Variants in PLEKHG1 observed in about 807,000 individuals in gnomAD.
The protein encoded by PLEKHG1 is pleckstrin homology domain-containing family G member 1.
PLEKHG1 carries 44 observed loss-of-function variants against 100.8 expected under a neutral mutation model. The observed-to-expected ratio is 0.44, with a 90% CI of 0.34 to 0.56. The LOEUF (loss-of-function observed/expected upper bound fraction) is 0.56. Among genes scored for constraint, PLEKHG1 ranks in the 20% least tolerant of loss-of-function variants. The pLI, the probability that PLEKHG1 is intolerant of heterozygous loss-of-function variation, is 0.01. For missense variants in PLEKHG1, 1,545 were observed against 1,720.9 expected (o/e 0.90, Z 1.81); for synonymous variants, 640 against 662.5 (o/e 0.97, Z 0.52).
chr6:150,603,220 G>T (rs1365328845), intron 1 of PLEKHG1, among the ~76,000 whole-genome samples: 1 of 152,122 alleles, frequency 6.6e-6, no homozygotes, highest in South Asian at 2.1e-4. Flanking sequence ...TAGACAAAGG[G>T]TCTGTAAGCA....
intron 2 of PLEKHG1, among the ~76,000 whole-genome samples, chr6:150,640,611 C>T (rs1019029421): frequency 3.3e-5 from 5 of 152,158 alleles, no homozygotes; most frequent in Non-Finnish European, 7.3e-5. Flanking sequence ...GGAATACCCA[C>T]ACCACGCTAG....
intron 3 of PLEKHG1, among the ~76,000 whole-genome samples, chr6:150,782,542 A>G (rs1336704154): frequency 6.6e-6 from 1 of 152,228 alleles, no homozygotes; most frequent in Non-Finnish European, 1.5e-5. Flanking sequence ...TACTTATTGG[A>G]AATGCCATTA....
chr6:150,825,566 T>C (rs1776553406), intron 14 of PLEKHG1, among the ~76,000 whole-genome samples: 1 of 152,034 alleles, frequency 6.6e-6, no homozygotes, highest in Non-Finnish European at 1.5e-5. Context: ...AGTGAGATTC[T>C]GTCTCATAAA....
chr6:150,736,938 G>A (rs768966058), intron 2 of PLEKHG1, among the ~76,000 whole-genome samples: 1 of 152,120 alleles, frequency 6.6e-6, no homozygotes, highest in Admixed American at 6.5e-5. Context: ...GGCCCAGAAG[G>A]GGGTGAGTAT....
intron 4 of PLEKHG1, among the ~76,000 whole-genome samples, chr6:150,795,057 T>C (rs2128658758): frequency 6.6e-6 from 1 of 152,210 alleles, no homozygotes; most frequent in East Asian, 1.9e-4. Flanking sequence ...TTGGAGAATG[T>C]GAAACCCCAC....
intron 4 of PLEKHG1, among the ~76,000 whole-genome samples, chr6:150,790,831 G>T (rs965298058): frequency 1.3e-5 from 2 of 152,098 alleles, no homozygotes; most frequent in Admixed American, 1.3e-4. Flanking sequence ...AGATCAGCTT[G>T]ACCAACGTGA....
rs1175861643 is a variant in PLEKHG1 at position 150,828,003 on chromosome 6, T to C, written c.1471-2579T>C. 6 of 1,612,922 alleles carry C rather than the reference T, an allele frequency of 3.7e-6. No individual in the cohort carries two copies. In the African/African-American group the frequency reaches 8.0e-5, roughly 22 times the overall value. ...AGTTACCAAAGCTGGCGAGGGCTTG[T>C]GGGTCATCTTGCACCTTTACAAACA... On this transcript the variant is annotated intron_variant, in intron 14 of 15. Coordinates refer to ENST00000358517, the Ensembl canonical transcript of PLEKHG1.
At chr6:150,599,951 C>G in exon 1 of PLEKHG1, 1 of 221,720 alleles carries the variant, frequency 4.5e-6, no homozygotes, top group Non-Finnish European at 9.3e-6. Flanking sequence ...GCCGGCGCAG[C>G]GCAGCCCGCA....
chr6:150,769,368 G>A (rs1784597973), intron 3 of PLEKHG1, among the ~76,000 whole-genome samples: 1 of 151,994 alleles, frequency 6.6e-6, no homozygotes, highest in African/African-American at 2.4e-5. Context: ...GATCACTTGA[G>A]GTTAGGAGTT....
At chr6:150,738,526 C>G (rs947799294) in intron 2 of PLEKHG1, among the ~76,000 whole-genome samples, 2 of 152,074 alleles carry the variant, frequency 1.3e-5, no homozygotes, top group African/African-American at 4.8e-5. Flanking sequence ...CCTTCTTTCC[C>G]ATATGTGGAG....
intron 3 of PLEKHG1, among the ~76,000 whole-genome samples, chr6:150,776,899 C>G (rs1785001479): frequency 6.6e-6 from 1 of 150,880 alleles, no homozygotes; most frequent in Non-Finnish European, 1.5e-5. Context: ...ATTACTCACA[C>G]TGATGCAATC....
exon 15 of PLEKHG1, chr6:150,832,188 A>G: frequency 6.3e-7 from 1 of 1,598,650 alleles, no homozygotes; most frequent in East Asian, 2.2e-5. Flanking sequence ...GAGAAGAAGC[A>G]AGGAGGGCCC....
At chr6:150,742,457 G>A (rs1782919444) in intron 2 of PLEKHG1, among the ~76,000 whole-genome samples, 1 of 150,250 alleles carries the variant, frequency 6.7e-6, no homozygotes, top group Non-Finnish European at 1.5e-5. Flanking sequence ...CCCAGCTACT[G>A]GGGAGACTGA....
At chr6:150,737,384 C>A (rs996953280) in intron 2 of PLEKHG1, among the ~76,000 whole-genome samples, 2 of 150,864 alleles carry the variant, frequency 1.3e-5, no homozygotes, top group Admixed American at 1.3e-4. Flanking sequence ...CTCCGCTTCC[C>A]GGGTTCACGC....
intron 3 of PLEKHG1, chr6:150,663,505 G>A (rs1351195879): frequency 6.6e-6 from 1 of 151,078 alleles, no homozygotes; most frequent in Non-Finnish European, 1.5e-5. Context: ...TTTGCAGGAA[G>A]AAAGGACTAG....
At chr6:150,655,032 TC>T (rs1431326145) in intron 3 of PLEKHG1, among the ~76,000 whole-genome samples, 3 of 152,188 alleles carry the variant, frequency 2.0e-5, no homozygotes, top group African/African-American at 7.2e-5. Flanking sequence ...AAGTTTAAAA[TC>T]ATTATACAAA....
chr6:150,714,942 G>A (rs1388286118), intron 3 of PLEKHG1, among the ~76,000 whole-genome samples: 1 of 151,848 alleles, frequency 6.6e-6, no homozygotes, highest in Non-Finnish European at 1.5e-5. Context: ...CCAAGTAGCT[G>A]GGACTACAGG....
chr6:150,651,436 G>A (rs987366988), intron 3 of PLEKHG1, among the ~76,000 whole-genome samples: 2 of 152,060 alleles, frequency 1.3e-5, no homozygotes, highest in African/African-American at 4.8e-5. Context: ...GTTTCACCAC[G>A]TTGGCCAGGC....
chr6:150,793,575 T>C (rs1338167375), intron 4 of PLEKHG1, among the ~76,000 whole-genome samples: 1 of 152,172 alleles, frequency 6.6e-6, no homozygotes, highest in Non-Finnish European at 1.5e-5. Flanking sequence ...AATAAATTAA[T>C]AGATCTAGCC....
Sources: gnomAD v4.1 joint callset for allele counts (sites outside exome capture counted in the v4.1 genomes callset) on GRCh38, gnomAD v4.1.1 for gene constraint, MANE v1.5 for transcripts, NCBI Gene and HGNC (gene_info 2026-07-23, HGNC 2026-07-21) for gene names.